The following PACRG variants were observed in gnomAD, a reference collection of about 807,000 sequenced individuals.
PACRG encodes the protein parkin coregulated.
PACRG carries 29 observed loss-of-function variants against 29.7 expected under a neutral mutation model. The observed-to-expected ratio is 0.98, with a 90% CI of 0.73 to 1.33. PACRG has a LOEUF of 1.33. Ranked by LOEUF, PACRG falls within the 40% of genes most tolerant of loss-of-function variation. The probability of loss-of-function intolerance (pLI) is 0.00; values close to 1 mark genes in which losing one functional copy is unlikely to be tolerated. For synonymous variants in PACRG, 116 were observed against 118.7 expected (o/e 0.98, Z 0.15); for missense variants, 279 against 316.2 (o/e 0.88, Z 0.89).
chr6:162,827,800 C>G (rs1431879617), intron 2 of PACRG, among the ~76,000 whole-genome samples: 1 of 152,028 alleles, frequency 6.6e-6, no homozygotes, highest in Non-Finnish European at 1.5e-5. Context: ...CTCCTCTGCT[C>G]AGCCTCTAAC....
chr6:163,001,364 C>T (rs986771454), intron 2 of PACRG, among the ~76,000 whole-genome samples: 24 of 152,204 alleles, frequency 1.6e-4, no homozygotes, highest in Admixed American at 1.4e-3. Context: ...CCACTGTACA[C>T]ACAACTTTCA....
intron 4 of PACRG, chr6:163,183,651 G>T (rs1779776572): frequency 6.6e-6 from 1 of 152,182 alleles, no homozygotes; most frequent in Admixed American, 6.5e-5. Flanking sequence ...AGAGATGTAT[G>T]TGTGGTCACT....
At chr6:163,068,698 G>A (rs1415440059) in intron 3 of PACRG, among the ~76,000 whole-genome samples, 3 of 151,780 alleles carry the variant, frequency 2.0e-5, no homozygotes, top group Non-Finnish European at 2.9e-5. Context: ...CTGTCGCTTA[G>A]TTCTATTTCC....
chr6:163,113,636 A>G (rs1427047941), intron 4 of PACRG, among the ~76,000 whole-genome samples: 1 of 152,208 alleles, frequency 6.6e-6, no homozygotes, highest in African/African-American at 2.4e-5. Context: ...AAAATTGTCA[A>G]CCAAGAACCC....
At chr6:163,100,512 G>T (rs1815008896) in intron 4 of PACRG, among the ~76,000 whole-genome samples, 1 of 152,076 alleles carries the variant, frequency 6.6e-6, no homozygotes, top group South Asian at 2.1e-4. Context: ...GGACACCAAG[G>T]CACGTCCCGC....
intron 4 of PACRG, among the ~76,000 whole-genome samples, chr6:163,298,351 G>A (rs1455828950): frequency 6.6e-6 from 1 of 151,906 alleles, no homozygotes; most frequent in African/African-American, 2.4e-5. Flanking sequence ...CCTTAGAGTA[G>A]CATTTTATAG....
At chr6:163,105,532 A>C (rs927583284) in intron 4 of PACRG, among the ~76,000 whole-genome samples, 3 of 152,154 alleles carry the variant, frequency 2.0e-5, no homozygotes, top group Non-Finnish European at 2.9e-5. Context: ...CAGAAAAAAA[A>C]CTGCTTAAAG....
chr6:163,152,256 G>A (rs1778123457), intron 4 of PACRG, among the ~76,000 whole-genome samples: 1 of 152,232 alleles, frequency 6.6e-6, no homozygotes, highest in Admixed American at 6.5e-5. Flanking sequence ...ATTATATTTT[G>A]GGACATTAAA....
chr6:162,781,527 C>T (rs1192522908), intron 1 of PACRG, among the ~76,000 whole-genome samples: 1 of 151,518 alleles, frequency 6.6e-6, no homozygotes, highest in African/African-American at 2.4e-5. Context: ...TTATTTAAGT[C>T]TTTAAAATTA....
At chr6:162,748,596 C>G (rs2128276570) in intron 1 of PACRG, among the ~76,000 whole-genome samples, 1 of 152,260 alleles carries the variant, frequency 6.6e-6, no homozygotes, top group Middle Eastern at 3.4e-3. Context: ...AATCTCTTCT[C>G]AAATCAATAA....
chr6:163,040,236 T>G (rs1808563669), intron 2 of PACRG, among the ~76,000 whole-genome samples: 1 of 152,220 alleles, frequency 6.6e-6, no homozygotes, highest in Non-Finnish European at 1.5e-5. Flanking sequence ...CACAAGGTTT[T>G]GGGCCCGCAG....
chr6:162,970,418 G>C (rs566217527), intron 2 of PACRG, among the ~76,000 whole-genome samples: 2 of 152,182 alleles, frequency 1.3e-5, no homozygotes, highest in East Asian at 3.9e-4. Flanking sequence ...TGAACGTGCC[G>C]GGGACCACCT....
intron 2 of PACRG, among the ~76,000 whole-genome samples, chr6:162,967,190 G>A (rs1801110424): frequency 6.6e-6 from 1 of 151,686 alleles, no homozygotes; most frequent in Non-Finnish European, 1.5e-5. Flanking sequence ...TTTGGGGTTT[G>A]AAATGAAGAA....
chr6:162,753,361 T>C lies in PACRG; in HGVS notation c.156+24970T>C, dbSNP rs115766152. 2.8e-3 allele frequency among the ~76,000 whole-genome samples: 425 copies of C among 152,206 alleles called. 1 individual carries two copies. The highest frequency in any genetic ancestry group is 9.8e-3 in the African/African-American group (407 of 41,534). On this transcript the variant is annotated intron_variant, in intron 1 of 4. Transcript: ENST00000366888. ...AACCTGAGAGCATGTGGTATTTTTC[T>C]TTCTATGCCCTGATAATTTCATGTA...
At chr6:163,039,647 G>A (rs1425376115) in intron 2 of PACRG, among the ~76,000 whole-genome samples, 1 of 152,208 alleles carries the variant, frequency 6.6e-6, no homozygotes, top group African/African-American at 2.4e-5. Flanking sequence ...CTATGCTTTA[G>A]CAGAGAGACT....
chr6:162,881,444 A>G (rs749776855), intron 2 of PACRG, among the ~76,000 whole-genome samples: 2 of 152,218 alleles, frequency 1.3e-5, no homozygotes, highest in Non-Finnish European at 2.9e-5. Context: ...ATGAGTGTCA[A>G]TGCTCCAGCA....
intron 2 of PACRG, among the ~76,000 whole-genome samples, chr6:162,865,048 C>G (rs1792181707): frequency 6.6e-6 from 1 of 152,122 alleles, no homozygotes; most frequent in African/African-American, 2.4e-5. Context: ...GAATCTTTCA[C>G]CAATTACTAA....
chr6:163,123,127 T>C (rs888095699), intron 4 of PACRG, among the ~76,000 whole-genome samples: 2 of 152,164 alleles, frequency 1.3e-5, no homozygotes, highest in Non-Finnish European at 2.9e-5. Flanking sequence ...AAACAGTTGT[T>C]TATACCTGGA....
chr6:163,231,234 CT>C (rs1186641422), intron 4 of PACRG, among the ~76,000 whole-genome samples: 1 of 152,234 alleles, frequency 6.6e-6, no homozygotes, highest in Non-Finnish European at 1.5e-5. Flanking sequence ...CTTCCTGCGG[CT>C]TTTCTATTTC....
Sources: gnomAD v4.1 joint callset for allele counts (sites outside exome capture counted in the v4.1 genomes callset) on GRCh38, gnomAD v4.1.1 for gene constraint, MANE v1.5 for transcripts, NCBI Gene and HGNC (gene_info 2026-07-23, HGNC 2026-07-21) for gene names.